The following LMBRD1 variants were observed in gnomAD, a reference collection of about 807,000 sequenced individuals.
LMBRD1 encodes LMBR1 domain containing 1.
Under a neutral mutation model 74.8 loss-of-function variants are expected in LMBRD1, and 64 were observed. The observed-to-expected ratio is 0.86, with a 90% CI of 0.70 to 1.05. The LOEUF is 1.05. Among genes scored for constraint, LMBRD1 ranks in the 50% least tolerant of loss-of-function variants. The pLI is 0.00. For missense variants in LMBRD1, 652 were observed against 645.9 expected, an observed-to-expected ratio of 1.01 and a Z score of -0.10; for synonymous variants, 204 against 216.3, an observed-to-expected ratio of 0.94 and a Z score of 0.50.
intron 9 of LMBRD1, among the ~76,000 whole-genome samples, chr6:69,710,506 G>C (rs1766359871): frequency 6.6e-6 from 1 of 151,972 alleles, no homozygotes. Context: ...CAAAATTTAA[G>C]AAACATCTGA....
At chr6:69,776,381 A>G (rs1471094098) in intron 3 of LMBRD1, among the ~76,000 whole-genome samples, 1 of 152,244 alleles carries the variant, frequency 6.6e-6, no homozygotes, top group Non-Finnish European at 1.5e-5. Context: ...CTCTATGGAA[A>G]ACTAGCATCT....
intron 1 of LMBRD1, among the ~76,000 whole-genome samples, chr6:69,794,367 CTT>C (rs1766165151): frequency 6.6e-6 from 1 of 152,174 alleles, no homozygotes; most frequent in Non-Finnish European, 1.5e-5. Context: ...ACCCTTGACT[CTT>C]TTTAATACTT....
intron 14 of LMBRD1, among the ~76,000 whole-genome samples, chr6:69,678,859 A>G (rs3823078): frequency 0.37 from 55,665 of 151,810 alleles, 10,727 homozygotes; most frequent in East Asian, 0.54. Context: ...ATGGTTTTCC[A>G]AAAATAGCAT....
Position 69,675,431 on chromosome 6 carries a change from A to C in LMBRD1, c.*727T>G, listed in dbSNP as rs1383404985. 1.4e-5 allele frequency among the ~76,000 whole-genome samples: 2 copies of C among 146,112 alleles called. No individual in the cohort carries two copies. Among genetic ancestry groups the C allele is most frequent in the Non-Finnish European group, 2.9e-5 (2 of 67,980 alleles). ...CCATATATCTTAAATTAATCCATAAACTGATTTTTTTTTCCAGGATTAATT... is the reference window on the plus strand; with the variant it reads ...CCATATATCTTAAATTAATCCATAACCTGATTTTTTTTTCCAGGATTAATT... On this transcript the variant is annotated 3_prime_UTR_variant, in exon 16 of 16. Coordinates refer to ENST00000649934, the MANE Select transcript of LMBRD1 (RefSeq NM_018368.4).
chr6:69,733,761 T>G (rs1201346424), intron 7 of LMBRD1, among the ~76,000 whole-genome samples: 2 of 152,166 alleles, frequency 1.3e-5, no homozygotes, highest in African/African-American at 4.8e-5. Flanking sequence ...TAACCACCAT[T>G]CAATTATGAA....
At chr6:69,684,931 G>T (rs1309077847) in intron 14 of LMBRD1, among the ~76,000 whole-genome samples, 1 of 152,024 alleles carries the variant, frequency 6.6e-6, no homozygotes, top group African/African-American at 2.4e-5. Flanking sequence ...AAAGAGAAAA[G>T]ACAAAGGAAC....
intron 7 of LMBRD1, among the ~76,000 whole-genome samples, chr6:69,729,305 T>G (rs73485542): frequency 0.096 from 14,399 of 150,462 alleles, 1,853 homozygotes; most frequent in African/African-American, 0.3. Context: ...TTCCCTGACT[T>G]GTAAATGTCC....
At chr6:69,793,734 T>C (rs1766144125) in intron 1 of LMBRD1, among the ~76,000 whole-genome samples, 3 of 149,578 alleles carry the variant, frequency 2.0e-5, no homozygotes, top group Admixed American at 6.6e-5. Context: ...TTTTTTTTTT[T>C]TTTTTTTGAG....
At chr6:69,752,856 A>G (rs192348840) in intron 3 of LMBRD1, among the ~76,000 whole-genome samples, 28 of 152,332 alleles carry the variant, frequency 1.8e-4, no homozygotes, top group Non-Finnish European at 4.4e-5. Context: ...ATGCAGTATT[A>G]TATAACCAAT....
chr6:69,676,209 T>A lies in LMBRD1; in HGVS notation c.1572A>T (p.Val524=). ...CATCACTTATGTCTGAATCTTCATC[T>A]ACTCCTTCAATAACCGATTTCTTCC... ...CKGKKSVIEG[V]DEDSDISDDE... is the part of the protein sequence containing the mutation. Residue 524 remains valine, a synonymous_variant, in exon 16 of 16, where the codon GTA becomes GTT. Transcript: ENST00000649934. 2.5e-6 allele frequency: 4 copies of A among 1,613,508 alleles called. No homozygotes were observed. The highest frequency in any genetic ancestry group is 3.4e-6 in the Non-Finnish European group (4 of 1,179,670).
chr6:69,750,966 T>C (rs939849237), intron 4 of LMBRD1, among the ~76,000 whole-genome samples: 2 of 152,158 alleles, frequency 1.3e-5, no homozygotes, highest in Non-Finnish European at 2.9e-5. Context: ...ATTTCTGTAT[T>C]TAAATACAAA....
chr6:69,702,502 A>C (rs1340160405), intron 9 of LMBRD1, among the ~76,000 whole-genome samples: 1 of 152,012 alleles, frequency 6.6e-6, no homozygotes, highest in African/African-American at 2.4e-5. Context: ...GTCAGGTAAA[A>C]CAATGTTTCT....
At chr6:69,791,100 C>G (rs1438004640) in intron 1 of LMBRD1, among the ~76,000 whole-genome samples, 4 of 152,208 alleles carry the variant, frequency 2.6e-5, no homozygotes, top group Non-Finnish European at 5.9e-5. Flanking sequence ...CATCTCTAGT[C>G]AGCCAAGTAC....
chr6:69,795,044 T>C (rs1211592274), intron 1 of LMBRD1, among the ~76,000 whole-genome samples: 1 of 152,230 alleles, frequency 6.6e-6, no homozygotes, highest in African/African-American at 2.4e-5. Flanking sequence ...CTCCTCTGTT[T>C]CTGACTACCT....
intron 14 of LMBRD1, among the ~76,000 whole-genome samples, chr6:69,679,469 C>T (rs1765617758): frequency 1.3e-5 from 2 of 152,070 alleles, no homozygotes; most frequent in Non-Finnish European, 2.9e-5. Context: ...AGTAGATATA[C>T]TGAGTATCCT....
At chr6:69,763,727 C>A (rs921928962) in intron 3 of LMBRD1, among the ~76,000 whole-genome samples, 1 of 152,174 alleles carries the variant, frequency 6.6e-6, no homozygotes, top group Non-Finnish European at 1.5e-5. Flanking sequence ...ATGGTAGAGG[C>A]AGGACCATCA....
At chr6:69,770,332 G>C (rs540039888) in intron 3 of LMBRD1, among the ~76,000 whole-genome samples, 14 of 152,258 alleles carry the variant, frequency 9.2e-5, no homozygotes, top group African/African-American at 3.4e-4. Flanking sequence ...AAACATAACA[G>C]CCCTAGGCTA....
intron 9 of LMBRD1, among the ~76,000 whole-genome samples, chr6:69,710,248 T>C (rs1361270545): frequency 4.0e-5 from 6 of 151,788 alleles, no homozygotes; most frequent in Non-Finnish European, 7.4e-5. Context: ...GGAAAGCCAA[T>C]GAGCAAAGGA....
At chr6:69,682,007 T>C (rs990246675) in intron 14 of LMBRD1, among the ~76,000 whole-genome samples, 13 of 151,608 alleles carry the variant, frequency 8.6e-5, no homozygotes, top group African/African-American at 2.9e-4. Flanking sequence ...AGCTCAGGGA[T>C]GGGAAGAAAA....
Sources: gnomAD v4.1 joint callset for allele counts (sites outside exome capture counted in the v4.1 genomes callset) on GRCh38, gnomAD v4.1.1 for gene constraint, MANE v1.5 for transcripts, NCBI Gene and HGNC (gene_info 2026-07-23, HGNC 2026-07-21) for gene names.